SYNE2: variants seen among roughly 807,000 people sequenced by gnomAD.
SYNE2 encodes the protein spectrin repeat containing nuclear envelope protein 2.
SYNE2 carries 431 observed loss-of-function variants against 856.3 expected under a neutral mutation model. The observed-to-expected ratio is 0.50, with a 90% CI of 0.47 to 0.55. The LOEUF (loss-of-function observed/expected upper bound fraction) is 0.55. SYNE2 is among the 20% of genes least tolerant of loss of function. The pLI is 0.00. For synonymous variants in SYNE2, 2,923 were observed against 2,872.3 expected (o/e 1.02, Z -0.56); for missense variants, 8,129 against 8,023.2 (o/e 1.01, Z -0.50).
In SYNE2 at chr14:63,963,971, G is replaced by A; in HGVS notation, c.961G>A (p.Glu321Lys). Residue 321 changes from glutamate (E) to lysine (K), a missense_variant, in exon 10 of 116, where the codon GAG becomes AAG. Coordinates refer to ENST00000555002, the MANE Select transcript of SYNE2 (RefSeq NM_182914.3). ...ACTACAGAAGTTGCTAAAGGATTCA[G>A]AGAATGATACCTACTTTAAAAAGTA... ...EKLQKLLKDS[E>K]NDTYFKKYNS... The A allele has an allele frequency of 6.2e-7, 1 of 1,607,818 alleles. No homozygotes were observed. The highest frequency in any genetic ancestry group is 8.5e-7 in the Non-Finnish European group (1 of 1,174,648).
chr14:63,960,870 C>A, intron 8 of SYNE2: 1 of 628,926 alleles, frequency 1.6e-6, no homozygotes, highest in Non-Finnish European at 2.9e-6. Flanking sequence ...CATAGAGAGA[C>A]CCTGTCTAAA....
chr14:63,885,293 GCTTC>G (rs2094957240), intron 1 of SYNE2, among the ~76,000 whole-genome samples: 1 of 151,404 alleles, frequency 6.6e-6, no homozygotes, highest in Non-Finnish European at 1.5e-5. Context: ...GCTCACTCCT[GCTTC>G]CTTCTCTACT....
chr14:63,971,164 T>G (rs980527371), intron 11 of SYNE2, among the ~76,000 whole-genome samples: 2 of 150,376 alleles, frequency 1.3e-5, no homozygotes, highest in Non-Finnish European at 3.0e-5. Context: ...CAGGCTGGAG[T>G]GCAGTGGCTT....
At chr14:64,065,040 T>TTAATAGAGAAACCC (rs2097348044) in intron 50 of SYNE2, among the ~76,000 whole-genome samples, 8 of 152,146 alleles carry the variant, frequency 5.3e-5, no homozygotes, top group Admixed American at 5.2e-4. Context: ...AAATTTTGTG[T>TTAATAGAGAAACCC]TTTTAATAGA....
chr14:63,917,337 C>T (rs984202992), intron 2 of SYNE2, among the ~76,000 whole-genome samples: 3 of 152,186 alleles, frequency 2.0e-5, no homozygotes. Context: ...GCTATAGTCC[C>T]TCACTGGCTA....
intron 1 of SYNE2, among the ~76,000 whole-genome samples, chr14:63,855,474 A>T (rs1380732217): frequency 2.0e-5 from 3 of 152,074 alleles, no homozygotes; most frequent in African/African-American, 7.2e-5. Flanking sequence ...GAGTGTCTAC[A>T]GCCAAACCAG....
intron 1 of SYNE2, among the ~76,000 whole-genome samples, chr14:63,834,876 G>C (rs1889793750): frequency 6.6e-6 from 1 of 151,924 alleles, no homozygotes; most frequent in Admixed American, 6.6e-5. Context: ...TTGACCTCGT[G>C]ATCCACCTGC....
chr14:64,136,124 T>C (rs962953336), intron 78 of SYNE2, among the ~76,000 whole-genome samples: 2 of 151,962 alleles, frequency 1.3e-5, no homozygotes, highest in Admixed American at 6.6e-5. Context: ...ACCCCATCTC[T>C]ACTAAAAATA....
intron 60 of SYNE2, 62 bp downstream of exon 60, chr14:64,091,110 G>C (rs936642579): frequency 6.7e-7 from 1 of 1,486,832 alleles, no homozygotes; most frequent in African/African-American, 1.4e-5. Flanking sequence ...AGCTGGTTTG[G>C]TTTTCACTTC....
intron 77 of SYNE2, among the ~76,000 whole-genome samples, chr14:64,133,155 T>G (rs1011927826): frequency 3.3e-5 from 5 of 151,072 alleles, no homozygotes; most frequent in Middle Eastern, 3.2e-3. Context: ...GCAGTGAGCC[T>G]AGATTGCACC....
chr14:64,167,053 A>C, intron 90 of SYNE2, 180 bp from the exon 91 acceptor site: 1 of 695,448 alleles, frequency 1.4e-6, no homozygotes, highest in Non-Finnish European at 2.4e-6. Context: ...TCTAGAAGGC[A>C]CAGCATTGAG....
At chr14:63,985,035 C>A (rs1366623049) in intron 18 of SYNE2, among the ~76,000 whole-genome samples, 1 of 152,096 alleles carries the variant, frequency 6.6e-6, no homozygotes, top group Non-Finnish European at 1.5e-5. Flanking sequence ...TGATTAAAAA[C>A]AACTTTCAGA....
intron 1 of SYNE2, among the ~76,000 whole-genome samples, chr14:63,875,413 A>G (rs2094692540): frequency 6.6e-6 from 1 of 152,196 alleles, no homozygotes; most frequent in African/African-American, 2.4e-5. Context: ...CTTTACAGAT[A>G]CTAAGTTCTA....
At chr14:63,977,337 C>G (rs373523931) in intron 12 of SYNE2, among the ~76,000 whole-genome samples, 5 of 152,006 alleles carry the variant, frequency 3.3e-5, no homozygotes, top group African/African-American at 1.2e-4. Context: ...CTCAGCCTCC[C>G]GAGTAGCTGG....
At chr14:63,879,193 A>G (rs1241109922) in intron 1 of SYNE2, among the ~76,000 whole-genome samples, 2 of 152,236 alleles carry the variant, frequency 1.3e-5, no homozygotes, top group South Asian at 2.1e-4. Flanking sequence ...ATTTATCTCA[A>G]TAACAAAAGG....
intron 1 of SYNE2, among the ~76,000 whole-genome samples, chr14:63,859,644 C>T (rs1892958493): frequency 6.6e-6 from 1 of 152,128 alleles, no homozygotes; most frequent in Non-Finnish European, 1.5e-5. Flanking sequence ...TAGTGAAATC[C>T]CATCTCTACT....
chr14:63,805,964 C>A (rs955205912), intron 1 of SYNE2, among the ~76,000 whole-genome samples: 2 of 152,004 alleles, frequency 1.3e-5, no homozygotes, highest in African/African-American at 4.8e-5. Context: ...TATTTGGGTA[C>A]CTTTTATTTC....
intron 31 of SYNE2, among the ~76,000 whole-genome samples, chr14:64,009,465 G>C (rs959447157): frequency 1.3e-5 from 2 of 150,766 alleles, no homozygotes; most frequent in South Asian, 4.2e-4. Flanking sequence ...GAATCCAGGA[G>C]GCGGACGTTG....
At chr14:63,964,093 T>A in intron 10 of SYNE2, 93 bp downstream of exon 10, 1 of 819,642 alleles carries the variant, frequency 1.2e-6, no homozygotes, top group Non-Finnish European at 2.0e-6. Flanking sequence ...TTAAGTATTT[T>A]AAGTATTAAA....
Sources: gnomAD v4.1 joint callset for allele counts (sites outside exome capture counted in the v4.1 genomes callset) on GRCh38, gnomAD v4.1.1 for gene constraint, MANE v1.5 for transcripts, NCBI Gene and HGNC (gene_info 2026-07-23, HGNC 2026-07-21) for gene names.